The following EYS variants were observed in gnomAD, a reference collection of about 807,000 sequenced individuals.
The protein encoded by EYS is EGF-like photoreceptor maintenance factor.
EYS carries 250 observed loss-of-function variants against 282.1 expected under a neutral mutation model. The observed-to-expected ratio is 0.89, with a 90% CI of 0.80 to 0.98. The LOEUF (loss-of-function observed/expected upper bound fraction) is 0.98, where lower values mean the gene tolerates loss of function less well. EYS is among the 50% of genes least tolerant of loss of function. EYS has a pLI of 0.00. For synonymous variants in EYS, 1,355 were observed against 1,282.9 expected (o/e 1.06, Z -1.20); for missense variants, 4,016 against 3,709.0 (o/e 1.08, Z -2.15).
intron 19 of EYS, among the ~76,000 whole-genome samples, chr6:64,876,586 AAG>A (rs1243758064): frequency 1.2e-4 from 19 of 152,274 alleles, no homozygotes; most frequent in African/African-American, 4.6e-4. Flanking sequence ...TTCAAGTAGT[AAG>A]AGAGAAAATA....
intron 19 of EYS, among the ~76,000 whole-genome samples, chr6:64,872,227 A>G (rs1293792808): frequency 1.3e-5 from 2 of 152,024 alleles, no homozygotes; most frequent in Admixed American, 1.3e-4. Flanking sequence ...TGTATGCCCA[A>G]TGTTTACAGG....
intron 30 of EYS, among the ~76,000 whole-genome samples, chr6:64,296,576 A>T (rs1561913709): frequency 5.2e-4 from 3 of 5,758 alleles, no homozygotes; most frequent in African/African-American, 2.9e-3. Context: ...ATATATATAT[A>T]TATATATACA....
chr6:63,946,845 G>A (rs1765412932), intron 35 of EYS, among the ~76,000 whole-genome samples: 1 of 150,996 alleles, frequency 6.6e-6, no homozygotes, highest in Non-Finnish European at 1.5e-5. Flanking sequence ...GGATAAAAAT[G>A]TCTGTGATGA....
intron 26 of EYS, among the ~76,000 whole-genome samples, chr6:64,491,361 A>C (rs1225222436): frequency 6.6e-6 from 1 of 150,924 alleles, no homozygotes; most frequent in East Asian, 1.9e-4. Flanking sequence ...CTCAAAATAT[A>C]TATTTACTTG....
intron 30 of EYS, among the ~76,000 whole-genome samples, chr6:64,275,770 A>T (rs1024480261): frequency 4.7e-5 from 7 of 149,954 alleles, no homozygotes; most frequent in Non-Finnish European, 1.0e-4. Flanking sequence ...CCTGACTAAC[A>T]CGGTGAAACC....
chr6:65,572,672 C>T (rs898455617), intron 2 of EYS, among the ~76,000 whole-genome samples: 11 of 152,030 alleles, frequency 7.2e-5, no homozygotes, highest in South Asian at 2.1e-4. Context: ...GTAGTCAGTA[C>T]CATCTCGGGC....
intron 41 of EYS, among the ~76,000 whole-genome samples, chr6:63,761,797 C>G (rs544300469): frequency 6.6e-6 from 1 of 151,924 alleles, no homozygotes; most frequent in Non-Finnish European, 1.5e-5. Flanking sequence ...CTTTATTTTC[C>G]TGGCTTAATC....
intron 12 of EYS, among the ~76,000 whole-genome samples, chr6:65,207,359 A>T (rs1766061645): frequency 1.5e-5 from 2 of 135,950 alleles, no homozygotes; most frequent in Admixed American, 1.5e-4. Flanking sequence ...AAAGACACTG[A>T]TGAAAAAAAA....
chr6:64,513,011 GA>G (rs571144259), intron 26 of EYS, among the ~76,000 whole-genome samples: 20 of 143,894 alleles, frequency 1.4e-4, no homozygotes, highest in East Asian at 2.0e-4. Flanking sequence ...TTACTTAAAG[GA>G]AAAAAAAAAG....
At chr6:63,894,883 G>A (rs548570994) in intron 35 of EYS, among the ~76,000 whole-genome samples, 9 of 152,058 alleles carry the variant, frequency 5.9e-5, no homozygotes, top group South Asian at 2.1e-4. Flanking sequence ...CACTGCGCCC[G>A]GCCAAATCCT....
Position 65,663,826 on chromosome 6 carries a change from G to GC in EYS, c.-447-23935dup, listed in dbSNP as rs201152648. 9.3e-3 allele frequency among the ~76,000 whole-genome samples: 1,379 copies of GC among 148,660 alleles called. 14 individuals are homozygous for GC. Among genetic ancestry groups the GC allele is most frequent in the Middle Eastern group, 0.018 (5 of 278 alleles). ...CTCCCTAGTAGCTGGGACTACGGGC[G>GC]CCCGCCACCACGCCCAGCTAATTTT... On this transcript the variant is annotated intron_variant, in intron 1 of 42. Transcript: ENST00000503581.
At chr6:65,289,945 G>A (rs1768477739) in intron 12 of EYS, among the ~76,000 whole-genome samples, 1 of 151,036 alleles carries the variant, frequency 6.6e-6, no homozygotes, top group Non-Finnish European at 1.5e-5. Flanking sequence ...TACCAAAAGA[G>A]TAAAAAGTAT....
intron 22 of EYS, among the ~76,000 whole-genome samples, chr6:64,765,947 C>T (rs980509155): frequency 1.3e-5 from 2 of 152,028 alleles, no homozygotes; most frequent in Admixed American, 6.6e-5. Flanking sequence ...TAGTACCATA[C>T]CTTCAGCTTT....
rs1015509320 is a variant in EYS, at chr6:63,999,146, T to G, written c.6763A>C (p.Met2255Leu). Residue 2255 changes from methionine (M) to leucine (L), a missense_variant, in exon 34 of 43, where the codon ATG becomes CTG. Transcript: ENST00000503581. ...TTTCCATCTGCAGTCATTTCAATCA[T>G]ACAAACAACTCCAGGGCTGCCAACA... is the stretch of plus-strand genomic sequence containing the variant. ...TPVGSPGVVC[M>L]IEMTADGKPP... The G allele has an allele frequency of 6.4e-7, 1 of 1,551,632 alleles. No homozygotes were observed. Among genetic ancestry groups the G allele is most frequent in the Admixed American group, 2.0e-5 (1 of 51,006 alleles).
chr6:64,037,405 T>C (rs1435354289), intron 33 of EYS, among the ~76,000 whole-genome samples: 2 of 152,192 alleles, frequency 1.3e-5, no homozygotes, highest in Admixed American at 6.5e-5. Context: ...ATTTCATGAA[T>C]ATTAATAGAA....
chr6:64,927,939 A>G (rs2150085328), intron 15 of EYS, among the ~76,000 whole-genome samples: 1 of 152,232 alleles, frequency 6.6e-6, no homozygotes, highest in East Asian at 1.9e-4. Flanking sequence ...AAAGCCCAAC[A>G]AATAGGGTAT....
intron 2 of EYS, among the ~76,000 whole-genome samples, chr6:65,511,731 T>C (rs977145221): frequency 6.6e-6 from 1 of 152,030 alleles, no homozygotes; most frequent in African/African-American, 2.4e-5. Context: ...GACAGGGGGC[T>C]CACTTGACGT....
rs1327127372 is a variant in EYS at position 65,057,720 on chromosome 6, T to G, written c.2031A>C (p.Gln677His). ...RKCVPGFKGT[Q>H]CEIDIDECAS... ...CACACTCATCTATATCAATTTCACA[T>G]TGCGTACCTTTGGAAAATAGGAAAA... Residue 677 changes from glutamine (Q) to histidine (H), a missense_variant, in exon 13 of 43, where the codon CAA becomes CAC. Transcript: ENST00000503581. 1 of 1,541,874 alleles carries G rather than the reference T, an allele frequency of 6.5e-7. No individual in the cohort carries two copies. The highest frequency in any genetic ancestry group is 1.4e-5 in the African/African-American group (1 of 72,606).
Position 65,353,617 on chromosome 6 carries a change from AC to A in EYS, c.1300-1del, listed in dbSNP as rs775758805. 6.2e-7 allele frequency: 1 copy of A among 1,611,846 alleles called. No homozygotes were observed. The highest frequency in any genetic ancestry group is 8.5e-7 in the Non-Finnish European group (1 of 1,178,306). On this transcript the variant is annotated splice_acceptor_variant, in intron 8 of 42. Coordinates refer to ENST00000503581, the MANE Select transcript of EYS (RefSeq NM_001142800.2). LOFTEE classifies it high-confidence loss of function. ...TTTGTGCACCCTGGAATGCATACAT[AC>A]TGCAAAAAGGAAACAAGGAAAAATG...
Sources: gnomAD v4.1 joint callset for allele counts (sites outside exome capture counted in the v4.1 genomes callset) on GRCh38, gnomAD v4.1.1 for gene constraint, MANE v1.5 for transcripts, NCBI Gene and HGNC (gene_info 2026-07-23, HGNC 2026-07-21) for gene names.